TMEM164: variants seen among roughly 807,000 people sequenced by gnomAD.
TMEM164 encodes transmembrane protein 164, also known as RP13-360B22.2.
A neutral mutation model predicts 18.8 loss-of-function variants in TMEM164; 4 were observed. That is an observed-to-expected ratio of 0.21 (90% CI 0.10 to 0.49). The LOEUF is 0.49. Ranked by LOEUF, TMEM164 falls within the 20% of genes least tolerant of loss-of-function variation. TMEM164 has a pLI of 0.98. For missense variants in TMEM164, 108 were observed against 239.9 expected (o/e 0.45, Z 3.63); for synonymous variants, 86 against 101.7 (o/e 0.85, Z 0.93).
intron 2 of TMEM164, among the ~76,000 whole-genome samples, chrX:110,034,991 A>G (rs1443407275): frequency 2.6e-4 from 26 of 99,669 alleles, no homozygotes; most frequent in Admixed American, 2.5e-3. Context: ...AACACCGCAT[A>G]TTCTCACTCA....
At chrX:110,051,593 AAAAGAAAGAAAG>A (rs367718317) in intron 2 of TMEM164, among the ~76,000 whole-genome samples, 19 of 102,960 alleles carry the variant, frequency 1.8e-4, no homozygotes, top group East Asian at 2.9e-4. Context: ...CAAAAAAAAA[AAAAGAAAGAAAG>A]AAAGAAAGAA....
chrX:110,080,736 C>T (rs1392486024), intron 3 of TMEM164, among the ~76,000 whole-genome samples: 2 of 111,213 alleles, frequency 1.8e-5, no homozygotes, highest in Non-Finnish European at 3.8e-5. Context: ...TTTCTGTTTT[C>T]GAGACCACGT....
chrX:110,090,266 T>C (rs965254825), intron 3 of TMEM164, among the ~76,000 whole-genome samples: 13 of 110,472 alleles, frequency 1.2e-4, no homozygotes, highest in African/African-American at 4.3e-4. Context: ...TACTTATCTT[T>C]TTTTTTTTCT....
At chrX:110,075,311 T>C (rs915495312) in intron 3 of TMEM164, among the ~76,000 whole-genome samples, 1 of 112,056 alleles carries the variant, frequency 8.9e-6, no homozygotes, top group East Asian at 2.8e-4. Flanking sequence ...TGATTTTGTA[T>C]CCTGAAACTT....
At chrX:110,050,145 C>A in intron 2 of TMEM164, among the ~76,000 whole-genome samples, 1 of 111,956 alleles carries the variant, frequency 8.9e-6, no homozygotes, top group Middle Eastern at 4.6e-3. Context: ...ATAAACTCCC[C>A]TTTGTCTTTC....
At chrX:110,132,361 T>C (rs2066624719) in intron 4 of TMEM164, among the ~76,000 whole-genome samples, 1 of 111,686 alleles carries the variant, frequency 9.0e-6, no homozygotes, top group Non-Finnish European at 1.9e-5. Flanking sequence ...AGTCTGCCTG[T>C]GTGCTGCTCC....
At chrX:110,041,408 G>T (rs1195404169) in intron 2 of TMEM164, among the ~76,000 whole-genome samples, 1 of 111,598 alleles carries the variant, frequency 9.0e-6, no homozygotes, top group East Asian at 2.8e-4. Context: ...TGTGTGAAGG[G>T]TTCACCGGAG....
chrX:110,120,376 T>C (rs764176150), intron 4 of TMEM164, among the ~76,000 whole-genome samples: 1 of 112,580 alleles, frequency 8.9e-6, no homozygotes, highest in East Asian at 2.8e-4. Context: ...TTCCACTCCT[T>C]AGTCTGTGGA....
intron 5 of TMEM164, among the ~76,000 whole-genome samples, chrX:110,155,151 C>T (rs1434059860): frequency 9.0e-6 from 1 of 111,421 alleles, no homozygotes. Flanking sequence ...GAACTGAGAG[C>T]ATGCTTGTCA....
chrX:110,090,648 C>T (rs1019628701), intron 3 of TMEM164, among the ~76,000 whole-genome samples: 35 of 111,478 alleles, frequency 3.1e-4, no homozygotes, highest in Non-Finnish European at 5.5e-4. Flanking sequence ...AAGTGAATAG[C>T]GCAGTACATA....
At chrX:110,077,923 G>A (rs761380612) in intron 3 of TMEM164, among the ~76,000 whole-genome samples, 1 of 111,495 alleles carries the variant, frequency 9.0e-6, no homozygotes, top group Non-Finnish European at 1.9e-5. Flanking sequence ...AAGTCTGATG[G>A]CTATGTGTCT....
At chrX:110,126,461 T>C (rs751656988) in intron 4 of TMEM164, among the ~76,000 whole-genome samples, 10 of 112,025 alleles carry the variant, frequency 8.9e-5, no homozygotes, top group Non-Finnish European at 1.9e-4. Flanking sequence ...ATCCATAGCC[T>C]ACTGCCTTTC....
intron 5 of TMEM164, among the ~76,000 whole-genome samples, chrX:110,162,477 T>G (rs750612663): frequency 1.8e-5 from 2 of 112,068 alleles, no homozygotes; most frequent in Non-Finnish European, 3.8e-5. Flanking sequence ...TCCAGCCTCT[T>G]AGGATGGGAG....
intron 4 of TMEM164, among the ~76,000 whole-genome samples, chrX:110,122,691 C>T (rs2066469848): frequency 8.9e-6 from 1 of 112,120 alleles, no homozygotes; most frequent in South Asian, 3.6e-4. Context: ...TGATGTTGAA[C>T]ACTTTTTCAT....
At chrX:110,168,273 A>G (rs1239792098) in intron 5 of TMEM164, among the ~76,000 whole-genome samples, 1 of 113,214 alleles carries the variant, frequency 8.8e-6, no homozygotes, top group African/African-American at 3.2e-5. Flanking sequence ...TGCATGCCTT[A>G]AGGGCATAGC....
intron 2 of TMEM164, among the ~76,000 whole-genome samples, chrX:110,066,878 A>G (rs1936363020): frequency 9.0e-6 from 1 of 111,514 alleles, no homozygotes; most frequent in Non-Finnish European, 1.9e-5. Flanking sequence ...AATACAGGAC[A>G]TATTTATACT....
chrX:110,033,346 C>T (rs1934605184), intron 2 of TMEM164, among the ~76,000 whole-genome samples: 2 of 112,007 alleles, frequency 1.8e-5, no homozygotes, highest in Admixed American at 9.4e-5. Flanking sequence ...CCATCCAAAC[C>T]TGATGATGGT....
intron 2 of TMEM164, among the ~76,000 whole-genome samples, chrX:110,027,283 C>T (rs972232220): frequency 2.7e-5 from 3 of 111,581 alleles, no homozygotes; most frequent in Admixed American, 9.5e-5. Context: ...GCTTTTTCTT[C>T]TGTTGAGATG....
intron 2 of TMEM164, among the ~76,000 whole-genome samples, chrX:110,060,103 A>T (rs1212876714): frequency 9.2e-6 from 1 of 109,212 alleles, no homozygotes; most frequent in African/African-American, 3.3e-5. Context: ...TATGTACAAA[A>T]AATAAAAAAT....
Sources: allele counts gnomAD v4.1 joint callset (sites outside exome capture counted in the v4.1 genomes callset), GRCh38; gene constraint gnomAD v4.1.1; transcripts MANE v1.5; gene names NCBI Gene and HGNC (gene_info 2026-07-23, HGNC 2026-07-21).